COPA: variants seen among roughly 807,000 people sequenced by gnomAD.
COPA encodes the protein coat protein complex I subunit alpha, also known as coatomer subunit alpha.
In COPA, 10 loss-of-function variants were observed where a neutral mutation model predicts 158.7. The observed-to-expected ratio is 0.06, with a 90% CI of 0.04 to 0.11. The LOEUF (loss-of-function observed/expected upper bound fraction) is 0.11, where lower values mean the gene tolerates loss of function less well. COPA is among the 10% of genes least tolerant of loss of function. The pLI is 1.00. For synonymous variants in COPA, 462 were observed against 542.8 expected (o/e 0.85, Z 2.07); for missense variants, 1,065 against 1,536.7 (o/e 0.69, Z 5.13).
intron 13 of COPA, among the ~76,000 whole-genome samples, chr1:160,308,409 C>T (rs1349572029): frequency 1.3e-5 from 2 of 152,176 alleles, no homozygotes; most frequent in Non-Finnish European, 2.9e-5. Context: ...TCTTAGGAAT[C>T]TGTTGATGGG....
rs1327671042 is a variant in COPA, at chr1:160,288,976, TTTC to T, written c.*1178_*1180del. Among the ~76,000 whole-genome samples, 1 of 151,342 alleles carries T rather than the reference TTTC, an allele frequency of 6.6e-6. No homozygotes were observed. Among genetic ancestry groups the T allele is most frequent in the African/African-American group, 2.5e-5 (1 of 40,648 alleles). Reference sequence around the variant, plus strand: ...TGAAAAACATGTGCTTCTTTTTTTCTTTCTTTTTTTTTGAGATGGAGTCTCACT... The same window carrying T: ...TGAAAAACATGTGCTTCTTTTTTTCTTTTTTTTTTGAGATGGAGTCTCACT... On this transcript the variant is annotated 3_prime_UTR_variant, in exon 33 of 33. Transcript: ENST00000241704.
At chr1:160,334,163 G>A (rs1647658657) in intron 4 of COPA, among the ~76,000 whole-genome samples, 1 of 152,162 alleles carries the variant, frequency 6.6e-6, no homozygotes, top group Admixed American at 6.5e-5. Flanking sequence ...CCTTTTTGGA[G>A]TCTATAAGAT....
chr1:160,301,871 T>A lies in COPA; in HGVS notation c.1668-2607A>T, dbSNP rs184029605. ...TTTACCAAGGTAAAAAAAAAAACTC[T>A]TAGCAAAAAGAAATAGCAAAATTCC... On this transcript the variant is annotated intron_variant, in intron 17 of 32. Transcript: ENST00000241704. 9.4e-3 allele frequency among the ~76,000 whole-genome samples: 1,427 copies of A among 151,986 alleles called. 25 individuals carry two copies. The highest frequency in any genetic ancestry group is 0.032 in the African/African-American group (1,324 of 41,496).
intron 9 of COPA, among the ~76,000 whole-genome samples, chr1:160,313,693 A>AT: frequency 6.6e-6 from 1 of 152,242 alleles, no homozygotes; most frequent in Non-Finnish European, 1.5e-5. Flanking sequence ...GATTACAGGC[A>AT]TGAGCCACCG....
chr1:160,329,633 G>A (rs952669349), intron 6 of COPA, among the ~76,000 whole-genome samples: 1 of 152,020 alleles, frequency 6.6e-6, no homozygotes, highest in African/African-American at 2.4e-5. Flanking sequence ...TTCTCAACCC[G>A]GCGTTCTGGA....
intron 6 of COPA, among the ~76,000 whole-genome samples, chr1:160,328,520 G>A (rs1490785769): frequency 6.6e-6 from 1 of 152,100 alleles, no homozygotes; most frequent in Non-Finnish European, 1.5e-5. Flanking sequence ...AGGGAGGAGA[G>A]GACACTCTCA....
In COPA at chr1:160,296,043, A is replaced by C; in HGVS notation, c.2352+18T>G. On this transcript the variant is annotated intron_variant, in intron 22 of 32. Transcript: ENST00000241704. ...GTTAATCCTGTAATAAGAGACAATT[A>C]TGTAAATAAAGACTCACTGTCTCCT... 6.2e-7 allele frequency: 1 copy of C among 1,609,010 alleles called. No individual in the cohort carries two copies. Among genetic ancestry groups the C allele is most frequent in the Non-Finnish European group, 8.5e-7 (1 of 1,175,404 alleles).
chr1:160,319,032 G>T (rs1659249767), intron 8 of COPA, among the ~76,000 whole-genome samples: 1 of 151,256 alleles, frequency 6.6e-6, no homozygotes, highest in African/African-American at 2.4e-5. Flanking sequence ...ATAAGTCCTT[G>T]CTTATCAATA....
At chr1:160,340,862 C>A (rs1648008714) in intron 1 of COPA, among the ~76,000 whole-genome samples, 1 of 152,146 alleles carries the variant, frequency 6.6e-6, no homozygotes, top group African/African-American at 2.4e-5. Context: ...CTCTGCAGCC[C>A]CCTCTTCTCC....
chr1:160,300,879 G>C (rs1381135472), intron 17 of COPA, among the ~76,000 whole-genome samples: 2 of 152,326 alleles, frequency 1.3e-5, no homozygotes, highest in East Asian at 3.9e-4. Flanking sequence ...AGCACTTTGG[G>C]AGGCTGAGGC....
At position 160,306,341 on chromosome 1, in the gene COPA, C is replaced by T. The variant is rs1658784983; in HGVS notation, c.1442+13G>A. The T allele has an allele frequency of 6.3e-7, 1 of 1,586,406 alleles. No individual in the cohort carries two copies. ...CTACAGGGCTGTCTGCTTAGGGGCA[C>T]CTGATATGTTACCGCTTCTGCTGTA... On this transcript the variant is annotated intron_variant, in intron 15 of 32. Coordinates refer to ENST00000241704, the MANE Select transcript of COPA (RefSeq NM_004371.4).
intron 8 of COPA, chr1:160,317,275 C>A: frequency 1.2e-6 from 1 of 803,346 alleles, no homozygotes; most frequent in Non-Finnish European, 2.1e-6. Flanking sequence ...AATGTGGTAG[C>A]GGAAGTTACT....
chr1:160,313,208 G>A (rs766616459), intron 9 of COPA, 41 bp from the exon 10 acceptor site: 11 of 1,565,954 alleles, frequency 7.0e-6, no homozygotes, highest in Non-Finnish European at 5.3e-6. Context: ...AATTTCCTAG[G>A]AATCTTCAGC....
At chr1:160,337,663 G>A (rs1430654982) in intron 3 of COPA, among the ~76,000 whole-genome samples, 1 of 152,086 alleles carries the variant, frequency 6.6e-6, no homozygotes, top group Admixed American at 6.6e-5. Flanking sequence ...AGGCTGCAGT[G>A]AGCCGAGATC....
intron 8 of COPA, among the ~76,000 whole-genome samples, chr1:160,318,492 C>CAAAAAAAA (rs1184111001): frequency 1.7e-5 from 1 of 58,078 alleles, no homozygotes; most frequent in East Asian, 4.3e-4. Context: ...AAAAAAAAAA[C>CAAAAAAAA]AAAAAAAAAA....
Position 160,291,447 on chromosome 1 carries a change from A to G in COPA, c.3308T>C (p.Leu1103Pro), listed in dbSNP as rs760468807. 1 of 1,614,212 alleles carries G rather than the reference A, an allele frequency of 6.2e-7. No individual in the cohort carries two copies. Among genetic ancestry groups the G allele is most frequent in the East Asian group, 2.2e-5 (1 of 44,886 alleles). ...HSNLQPVHMI[L>P]VLRTALNLFF... ...CAGATTGAGGGCTGTACGCAGCACCAGGATCATGTGCACAGGCTGCAGGTT... is the reference window on the plus strand; with the variant it reads ...CAGATTGAGGGCTGTACGCAGCACCGGGATCATGTGCACAGGCTGCAGGTT... The change falls in exon 31 of 33, where the codon CTG becomes CCG. Residue 1103 changes from leucine (L) to proline (P), a missense_variant. Around this residue, in one of 2 missense-constraint regions of COPA, gnomAD observed 980 missense variants for 1,357.8 expected, o/e 0.72. Transcript: ENST00000241704.
In COPA at chr1:160,297,558, A is replaced by G; in HGVS notation, c.2165T>C (p.Ile722Thr). 1 of 1,613,836 alleles carries G rather than the reference A, an allele frequency of 6.2e-7. No homozygotes were observed. Among genetic ancestry groups the G allele is most frequent in the Non-Finnish European group, 8.5e-7 (1 of 1,179,832 alleles). The change falls in exon 20 of 33, where the codon ATT (isoleucine) becomes ACT (threonine). Residue 722 changes from isoleucine (I) to threonine (T), a missense_variant and splice_region_variant. Ile to Thr is a moderately conservative substitution (Grantham distance 89). This residue lies in a region of COPA where 980 missense variants were observed against 1,357.8 expected (regional missense o/e 0.72). Coordinates refer to ENST00000241704, the MANE Select transcript of COPA (RefSeq NM_004371.4). ...CATCCTTAGTTTGAGGGCCTCACCAATCTTCATCATCTTGCGAAGTTTTTC... is the reference window on the plus strand; with the variant it reads ...CATCCTTAGTTTGAGGGCCTCACCAGTCTTCATCATCTTGCGAAGTTTTTC... ...NLEKLRKMMK[I>T]AEIRKDMSGH... is the part of the protein sequence containing the mutation.
In COPA at chr1:160,289,632, C is replaced by G. The variant is rs1212431836; in HGVS notation, c.*525G>C. 1.3e-5 allele frequency: 2 copies of G among 151,922 alleles called. No homozygotes were observed. Among genetic ancestry groups the G allele is most frequent in the African/African-American group, 4.8e-5 (2 of 41,328 alleles). The allele number at this position is 151,922 out of a possible 1,614,324, so 9.4% of individuals were successfully genotyped here. A position where few individuals can be genotyped will look rare whatever the true frequency, so the allele number is the denominator to read the frequency against. ...TTGAGACAGAGTCTTGCTCTGTCACCCAGGCTGGAATGAAGTGGTATGATC... is the reference window on the plus strand; with the variant it reads ...TTGAGACAGAGTCTTGCTCTGTCACGCAGGCTGGAATGAAGTGGTATGATC... On this transcript the variant is annotated 3_prime_UTR_variant, in exon 33 of 33. Transcript: ENST00000241704.
intron 6 of COPA, among the ~76,000 whole-genome samples, chr1:160,331,285 T>C (rs1647499121): frequency 6.6e-6 from 1 of 152,154 alleles, no homozygotes; most frequent in South Asian, 2.1e-4. Flanking sequence ...ATATGTAAAC[T>C]GTAAAAGGAG....
Sources: gnomAD v4.1 joint callset for allele counts (sites outside exome capture counted in the v4.1 genomes callset) on GRCh38, gnomAD v4.1.1 for gene constraint, gnomAD v4.1.1 regional missense constraint, MANE v1.5 for transcripts, NCBI Gene and HGNC (gene_info 2026-07-23, HGNC 2026-07-21) for gene names.